The following TCF12 variants were observed in gnomAD, a reference collection of about 807,000 sequenced individuals.
TCF12 encodes the protein transcription factor 12, also known as DNA-binding protein HTF4.
Under a neutral mutation model 86.0 loss-of-function variants are expected in TCF12, and 45 were observed. That is an observed-to-expected ratio of 0.52 (90% CI 0.41 to 0.67). TCF12 has a LOEUF of 0.67. Among genes scored for constraint, TCF12 ranks in the 30% least tolerant of loss-of-function variants. The pLI is 0.00. For missense variants in TCF12, 881 were observed against 859.9 expected, an observed-to-expected ratio of 1.02 and a Z score of -0.31; for synonymous variants, 330 against 299.6, an observed-to-expected ratio of 1.10 and a Z score of -1.05.
intron 3 of TCF12, among the ~76,000 whole-genome samples, chr15:56,948,754 T>C (rs915981475): frequency 6.6e-6 from 1 of 152,174 alleles, no homozygotes; most frequent in Non-Finnish European, 1.5e-5. Flanking sequence ...AACATCAAAA[T>C]GTATTGCAAG....
intron 5 of TCF12, among the ~76,000 whole-genome samples, chr15:57,108,184 C>T (rs1596562983): frequency 6.6e-6 from 1 of 152,058 alleles, no homozygotes; most frequent in African/African-American, 2.4e-5. Flanking sequence ...TAAGTACTTA[C>T]ATAAAACATC....
At chr15:56,939,760 C>A (rs764495051) in intron 3 of TCF12, among the ~76,000 whole-genome samples, 1 of 152,034 alleles carries the variant, frequency 6.6e-6, no homozygotes, top group Non-Finnish European at 1.5e-5. Flanking sequence ...AAGGAAGCAC[C>A]GAAACTTACG....
chr15:56,919,727 G>A, intron 1 of TCF12, 165 bp from the exon 2 acceptor site: 1 of 526,898 alleles, frequency 1.9e-6, no homozygotes. Context: ...CGGGCACTGA[G>A]CCCTCCCGCC....
At chr15:57,070,872 T>C (rs1240823098) in intron 4 of TCF12, among the ~76,000 whole-genome samples, 1 of 152,186 alleles carries the variant, frequency 6.6e-6, no homozygotes, top group Non-Finnish European at 1.5e-5. Flanking sequence ...TGACAGCAGA[T>C]GCCTTAAGAG....
At chr15:57,261,373 C>G (rs1353829563) in intron 16 of TCF12, among the ~76,000 whole-genome samples, 1 of 151,950 alleles carries the variant, frequency 6.6e-6, no homozygotes, top group Non-Finnish European at 1.5e-5. Context: ...CACAGAAAAA[C>G]CAAAGGATAA....
intron 3 of TCF12, among the ~76,000 whole-genome samples, chr15:56,984,838 T>A (rs189933226): frequency 2.6e-5 from 4 of 152,262 alleles, no homozygotes; most frequent in African/African-American, 9.6e-5. Context: ...TTATGAAAAG[T>A]CCCATAAGAT....
At chr15:56,971,522 A>G (rs985644499) in intron 3 of TCF12, among the ~76,000 whole-genome samples, 1 of 152,168 alleles carries the variant, frequency 6.6e-6, no homozygotes, top group South Asian at 2.1e-4. Context: ...GGCCTGAACT[A>G]CTGTTTCAGG....
At chr15:56,925,155 C>T (rs538656878) in intron 3 of TCF12, among the ~76,000 whole-genome samples, 8 of 152,130 alleles carry the variant, frequency 5.3e-5, no homozygotes, top group East Asian at 3.9e-4. Context: ...CCTGAGATGG[C>T]GCAGCCAGTG....
chr15:56,954,665 C>A (rs2061423916), intron 3 of TCF12, among the ~76,000 whole-genome samples: 1 of 152,184 alleles, frequency 6.6e-6, no homozygotes, highest in Admixed American at 6.5e-5. Flanking sequence ...TTTTTGCAAT[C>A]TACCTATCTG....
chr15:57,183,314 A>G (rs2056470414), intron 6 of TCF12, among the ~76,000 whole-genome samples: 1 of 152,140 alleles, frequency 6.6e-6, no homozygotes, highest in Admixed American at 6.5e-5. Flanking sequence ...GCTGCTTATG[A>G]CTTTATATAC....
chr15:57,014,265 T>TTGCTGA (rs1342933900), intron 3 of TCF12, among the ~76,000 whole-genome samples: 18 of 152,324 alleles, frequency 1.2e-4, no homozygotes, highest in Non-Finnish European at 2.6e-4. Context: ...TCACTCAGCT[T>TTGCTGA]GTGGGACCAT....
chr15:57,285,984 C>T (rs1216083941), intron 20 of TCF12, among the ~76,000 whole-genome samples, 173 bp from the exon 21 acceptor site: 1 of 152,190 alleles, frequency 6.6e-6, no homozygotes, highest in East Asian at 1.9e-4. Context: ...TTTCAGTATA[C>T]CTTAAAAGGA....
chr15:57,128,906 A>G (rs1474054620), intron 5 of TCF12, among the ~76,000 whole-genome samples: 1 of 152,218 alleles, frequency 6.6e-6, no homozygotes, highest in Non-Finnish European at 1.5e-5. Flanking sequence ...TTGTATGGAT[A>G]TACCATTTTT....
chr15:57,170,625 A>ATT (rs1285697677), intron 6 of TCF12, among the ~76,000 whole-genome samples: 17 of 57,924 alleles, frequency 2.9e-4, no homozygotes, highest in African/African-American at 2.4e-3. Flanking sequence ...TGCCCTGCTA[A>ATT]TTTTATATAT....
intron 3 of TCF12, among the ~76,000 whole-genome samples, chr15:56,949,724 T>C (rs2061176895): frequency 6.6e-6 from 1 of 152,182 alleles, no homozygotes; most frequent in African/African-American, 2.4e-5. Context: ...ATGGCCCTTC[T>C]GGAAGAGCTA....
intron 3 of TCF12, among the ~76,000 whole-genome samples, chr15:57,058,118 C>T (rs1358825688): frequency 1.3e-5 from 2 of 152,162 alleles, no homozygotes; most frequent in Admixed American, 6.5e-5. Flanking sequence ...AATACAGTGA[C>T]CACCATATCA....
At chr15:57,195,572 T>C (rs4774913) in intron 7 of TCF12, among the ~76,000 whole-genome samples, 57,875 of 152,078 alleles carry the variant, frequency 0.38, 13,716 homozygotes, top group Non-Finnish European at 0.53. Context: ...TAGGCTTGCC[T>C]CTTGGGGTCA....
intron 3 of TCF12, among the ~76,000 whole-genome samples, chr15:56,938,381 G>A (rs2060576760): frequency 6.6e-6 from 1 of 151,836 alleles, no homozygotes; most frequent in Non-Finnish European, 1.5e-5. Context: ...GGATGGTCTT[G>A]ATCTCCTGAC....
chr15:57,197,786 A>C lies in TCF12; in HGVS notation c.540A>C (p.Ala180=). 6.2e-7 allele frequency: 1 copy of C among 1,613,522 alleles called. No individual in the cohort carries two copies. The highest frequency in any genetic ancestry group is 8.5e-7 in the Non-Finnish European group (1 of 1,179,730). ...TTCCATCTGCAGATCCCTTGCAAGCAAAAAAAGTCAGAAAGGTGCCTCCTG... is the reference window on the plus strand; with the variant it reads ...TTCCATCTGCAGATCCCTTGCAAGCCAAAAAAGTCAGAAAGGTGCCTCCTG... ...HDSAALDPLQ[A]KKVRKVPPGL... is the part of the protein sequence containing the mutation. The change falls in exon 8 of 21, where the codon GCA becomes GCC. Residue 180 remains alanine (A), a synonymous_variant. Transcript: ENST00000333725.
Sources: gnomAD v4.1 joint callset for allele counts (sites outside exome capture counted in the v4.1 genomes callset) on GRCh38, gnomAD v4.1.1 for gene constraint, MANE v1.5 for transcripts, NCBI Gene and HGNC (gene_info 2026-07-23, HGNC 2026-07-21) for gene names.